CSMD1: variants seen among roughly 807,000 people sequenced by gnomAD.
The protein encoded by CSMD1 is CUB and Sushi multiple domains 1, also known as CUB and sushi domain-containing protein 1.
CSMD1 carries 213 observed loss-of-function variants against 417.5 expected under a neutral mutation model. The observed-to-expected ratio is 0.51, with a 90% CI of 0.46 to 0.57. The LOEUF (loss-of-function observed/expected upper bound fraction) is 0.57, where lower values mean the gene tolerates loss of function less well. CSMD1 is among the 20% of genes least tolerant of loss of function. The pLI is 0.00. For synonymous variants in CSMD1, 2,862 were observed against 1,736.8 expected, an observed-to-expected ratio of 1.65 and a Z score of -16.11; for missense variants, 6,923 against 4,529.7, an observed-to-expected ratio of 1.53 and a Z score of -15.17.
intron 5 of CSMD1, among the ~76,000 whole-genome samples, chr8:3,848,417 C>G (rs1255286583): frequency 2.6e-5 from 4 of 152,088 alleles, no homozygotes; most frequent in African/African-American, 9.7e-5. Flanking sequence ...TTTTTTAAAA[C>G]ACAATTAGGA....
At chr8:4,077,297 GTATATA>G (rs200304943) in intron 3 of CSMD1, among the ~76,000 whole-genome samples, 32,811 of 121,288 alleles carry the variant, frequency 0.27, 4,959 homozygotes, top group Non-Finnish European at 0.35. Context: ...ATATATATGT[GTATATA>G]TATATATATA....
chr8:2,980,078 T>C (rs1172663783), intron 54 of CSMD1, among the ~76,000 whole-genome samples: 1 of 152,216 alleles, frequency 6.6e-6, no homozygotes, highest in Non-Finnish European at 1.5e-5. Context: ...CATACTTTCA[T>C]AAGGAGACGG....
intron 3 of CSMD1, among the ~76,000 whole-genome samples, chr8:4,332,649 C>G (rs1225833344): frequency 1.3e-5 from 2 of 151,298 alleles, no homozygotes; most frequent in East Asian, 2.0e-4. Flanking sequence ...ACATGCAGCT[C>G]TCATTACTAC....
At chr8:4,269,674 A>AT (rs1804449575) in intron 3 of CSMD1, among the ~76,000 whole-genome samples, 1 of 152,110 alleles carries the variant, frequency 6.6e-6, no homozygotes, top group African/African-American at 2.4e-5. Context: ...CCAAAATAAA[A>AT]TTTTTTGTTT....
chr8:4,785,989 G>T (rs1409948587), intron 1 of CSMD1, among the ~76,000 whole-genome samples: 1 of 152,186 alleles, frequency 6.6e-6, no homozygotes, highest in Admixed American at 6.5e-5. Flanking sequence ...TGGTAGCCAG[G>T]TTAGTGCAGC....
intron 6 of CSMD1, among the ~76,000 whole-genome samples, chr8:3,748,687 C>T (rs190752009): frequency 3.3e-5 from 5 of 152,278 alleles, no homozygotes; most frequent in African/African-American, 7.2e-5. Flanking sequence ...GGAATGCATA[C>T]GTTTTATCCA....
At chr8:3,965,420 G>C (rs17068246) in intron 5 of CSMD1, among the ~76,000 whole-genome samples, 1,809 of 152,176 alleles carry the variant, frequency 0.012, 42 homozygotes, top group African/African-American at 0.041. Flanking sequence ...TTTTCGTGAT[G>C]GCCTTCGGAA....
intron 3 of CSMD1, among the ~76,000 whole-genome samples, chr8:4,261,663 G>A (rs908228726): frequency 3.9e-5 from 6 of 152,076 alleles, no homozygotes; most frequent in Non-Finnish European, 5.9e-5. Context: ...TGCCACCTCG[G>A]CCTCCCAAAA....
chr8:2,945,243 T>G (rs1243707324), intron 68 of CSMD1, among the ~76,000 whole-genome samples: 1 of 152,208 alleles, frequency 6.6e-6, no homozygotes, highest in Admixed American at 6.5e-5. Flanking sequence ...ATATGTGTGA[T>G]TATTTCTCTT....
At chr8:4,060,117 T>C (rs1798894711) in intron 3 of CSMD1, among the ~76,000 whole-genome samples, 1 of 152,278 alleles carries the variant, frequency 6.6e-6, no homozygotes, top group East Asian at 1.9e-4. Context: ...GCTTCATCCC[T>C]GGGATGCAAG....
chr8:4,083,886 C>A (rs972129002), intron 3 of CSMD1, among the ~76,000 whole-genome samples: 1 of 152,150 alleles, frequency 6.6e-6, no homozygotes, highest in Admixed American at 6.5e-5. Context: ...AAAGAAACTA[C>A]CACCAGAGTG....
Position 4,343,340 on chromosome 8 carries a change from G to C in CSMD1, c.415+76613C>G, listed in dbSNP as rs996497272. ...TTAGTAAGAGAATGAATACATTCCG[G>C]AGATCTAATATAGAACAGTGTGACT... On this transcript the variant is annotated intron_variant, in intron 3 of 69. Transcript: ENST00000635120. 5.3e-5 allele frequency among the ~76,000 whole-genome samples: 8 copies of C among 152,058 alleles called. No homozygotes were observed. The East Asian group carries it at 7.7e-4, about 15-fold the overall frequency.
chr8:4,988,782 G>C (rs1381379882), intron 1 of CSMD1, among the ~76,000 whole-genome samples: 1 of 152,214 alleles, frequency 6.6e-6, no homozygotes, highest in African/African-American at 2.4e-5. Flanking sequence ...GCTCAGAAAA[G>C]AGAACTGTTT....
intron 5 of CSMD1, among the ~76,000 whole-genome samples, chr8:3,798,796 T>C (rs991721425): frequency 8.5e-5 from 13 of 152,096 alleles, no homozygotes; most frequent in Admixed American, 8.5e-4. Flanking sequence ...TTATGGGACA[T>C]CTGTTTATAA....
chr8:4,802,793 C>T (rs544715049), intron 1 of CSMD1, among the ~76,000 whole-genome samples: 1 of 152,064 alleles, frequency 6.6e-6, no homozygotes, highest in South Asian at 2.1e-4. Context: ...ATAGAAAATC[C>T]GTGACGTCAT....
intron 50 of CSMD1, among the ~76,000 whole-genome samples, chr8:3,034,948 C>T (rs897874090): frequency 2.0e-5 from 3 of 152,124 alleles, no homozygotes; most frequent in Non-Finnish European, 4.4e-5. Context: ...AGGAGGGCCT[C>T]GGAAACGGCT....
At chr8:3,230,299 T>C (rs925185116) in intron 26 of CSMD1, 68 bp from the exon 27 acceptor site, 3 of 1,328,080 alleles carry the variant, frequency 2.3e-6, no homozygotes, top group Non-Finnish European at 3.0e-6. Flanking sequence ...GTCGGTGTGG[T>C]TGTTCTTGTG....
In CSMD1 at chr8:2,999,726, TAAATGTGGAGTCAGGA is replaced by T. The variant is rs575870315; in HGVS notation, c.8203+216_8203+231del. On this transcript the variant is annotated intron_variant, in intron 53 of 69. Coordinates refer to ENST00000635120, the MANE Select transcript of CSMD1 (RefSeq NM_033225.6). ...ATTTACAATGAATTGATAAGCAAAT[TAAATGTGGAGTCAGGA>T]AAAGGAGTTTGAAGGAAACAAAACG... 3.0e-4 allele frequency among the ~76,000 whole-genome samples: 45 copies of T among 151,794 alleles called. No homozygotes were observed. In the Middle Eastern group the frequency reaches 0.02, roughly 69 times the overall value.
At chr8:4,699,813 A>T (rs1349473326) in intron 1 of CSMD1, among the ~76,000 whole-genome samples, 9 of 152,232 alleles carry the variant, frequency 5.9e-5, no homozygotes, top group Non-Finnish European at 1.2e-4. Flanking sequence ...AAGAATGAAC[A>T]GGTCTTGCCG....
Sources: gnomAD v4.1 joint callset for allele counts (sites outside exome capture counted in the v4.1 genomes callset) on GRCh38, gnomAD v4.1.1 for gene constraint, MANE v1.5 for transcripts, NCBI Gene and HGNC (gene_info 2026-07-23, HGNC 2026-07-21) for gene names.